Variants in EHBP1 observed in about 807,000 individuals in gnomAD.
EHBP1 encodes the protein EH domain-binding protein 1.
A neutral mutation model predicts 144.0 loss-of-function variants in EHBP1; 55 were observed. The observed-to-expected ratio is 0.38, with a 90% CI of 0.31 to 0.48. The LOEUF (loss-of-function observed/expected upper bound fraction) is 0.48, where lower values mean the gene tolerates loss of function less well. Among genes scored for constraint, EHBP1 ranks in the 20% least tolerant of loss-of-function variants. EHBP1 has a pLI of 0.98. For missense variants in EHBP1, 1,200 were observed against 1,364.2 expected, an observed-to-expected ratio of 0.88 and a Z score of 1.90; for synonymous variants, 469 against 472.7, an observed-to-expected ratio of 0.99 and a Z score of 0.10.
chr2:62,905,692 C>G (rs1054992779), intron 10 of EHBP1, among the ~76,000 whole-genome samples: 6 of 151,902 alleles, frequency 3.9e-5, no homozygotes, highest in African/African-American at 1.5e-4. Flanking sequence ...GGCGTGGTGA[C>G]ACACGCCTGT....
At chr2:62,769,496 A>G (rs553955654) in intron 4 of EHBP1, among the ~76,000 whole-genome samples, 21 of 152,302 alleles carry the variant, frequency 1.4e-4, no homozygotes, top group African/African-American at 2.9e-4. Context: ...ACACTGCTCA[A>G]AGAAATCAGA....
At chr2:62,960,289 T>C (rs1320044802) in intron 14 of EHBP1, among the ~76,000 whole-genome samples, 1 of 152,116 alleles carries the variant, frequency 6.6e-6, no homozygotes, top group African/African-American at 2.4e-5. Context: ...TTTTTCATTC[T>C]ACAGTCCAGT....
At chr2:62,861,161 G>A (rs1480743079) in intron 8 of EHBP1, among the ~76,000 whole-genome samples, 9 of 116,532 alleles carry the variant, frequency 7.7e-5, no homozygotes, top group African/African-American at 1.7e-4. Context: ...ACAGAGTCTC[G>A]CCCTGTCGCC....
chr2:62,964,191 G>GA (rs975439097), intron 14 of EHBP1, among the ~76,000 whole-genome samples: 37 of 150,704 alleles, frequency 2.5e-4, no homozygotes, highest in Admixed American at 1.5e-3. Flanking sequence ...TGTTGTGGAG[G>GA]AAAAAAAAAC....
At chr2:62,822,999 T>G (rs1322462718) in intron 5 of EHBP1, among the ~76,000 whole-genome samples, 1 of 152,114 alleles carries the variant, frequency 6.6e-6, no homozygotes, top group Non-Finnish European at 1.5e-5. Flanking sequence ...TTTCTGAAAA[T>G]GTGATTTTAG....
chr2:62,845,662 G>T (rs770912601), intron 7 of EHBP1, among the ~76,000 whole-genome samples: 1 of 150,310 alleles, frequency 6.7e-6, no homozygotes, highest in Non-Finnish European at 1.5e-5. Context: ...TAGGCATCTC[G>T]TGAACAAAAT....
At chr2:62,943,896 T>C in intron 12 of EHBP1, 46 bp downstream of exon 12, 1 of 1,396,346 alleles carries the variant, frequency 7.2e-7, no homozygotes. Flanking sequence ...AATTTTGGCT[T>C]CTCTGCAGGT....
At chr2:62,708,314 A>G (rs943953852) in intron 2 of EHBP1, among the ~76,000 whole-genome samples, 4 of 152,216 alleles carry the variant, frequency 2.6e-5, no homozygotes, top group African/African-American at 4.8e-5. Flanking sequence ...CTCATTACCT[A>G]CTTTATACCA....
At chr2:62,997,913 C>T (rs1370981013) in intron 19 of EHBP1, among the ~76,000 whole-genome samples, 2 of 152,072 alleles carry the variant, frequency 1.3e-5, no homozygotes, top group Admixed American at 6.6e-5. Flanking sequence ...AGAAAGTAGA[C>T]AGGCATCTGG....
intron 21 of EHBP1, among the ~76,000 whole-genome samples, chr2:63,040,952 AGTTTT>A (rs538872654): frequency 3.0e-4 from 46 of 152,352 alleles, no homozygotes; most frequent in African/African-American, 1.1e-3. Context: ...AACAGTAGTT[AGTTTT>A]GTTTTGCTTT....
At chr2:62,703,913 C>A (rs1419722783), upstream of EHBP1, among the ~76,000 whole-genome samples, 2 of 152,210 alleles carry the variant, frequency 1.3e-5, no homozygotes, top group African/African-American at 4.8e-5. Context: ...AGTTTGAGAA[C>A]TTCCAGAGAA....
intron 5 of EHBP1, among the ~76,000 whole-genome samples, chr2:62,793,349 A>G (rs915389599): frequency 2.0e-5 from 3 of 152,070 alleles, no homozygotes; most frequent in African/African-American, 2.4e-5. Flanking sequence ...TTTCCGCTGC[A>G]GTGACTCTCA....
chr2:62,782,404 T>C (rs1490866571), intron 5 of EHBP1, among the ~76,000 whole-genome samples: 2 of 152,216 alleles, frequency 1.3e-5, no homozygotes, highest in Non-Finnish European at 2.9e-5. Flanking sequence ...AGTTTCTATC[T>C]TTCTGTATTG....
rs542939830 is a variant in EHBP1, at chr2:62,799,115, A to G, written c.313-26972A>G. Among the ~76,000 whole-genome samples the G allele has an allele frequency of 8.5e-5, 13 of 152,108 alleles. 2 individuals are homozygous for G. In the South Asian group the frequency reaches 2.7e-3, roughly 32 times the overall value. On this transcript the variant is annotated intron_variant, in intron 5 of 22. Transcript: ENST00000431489. ...TTTAAGCTTTCATATTAGATACTCT[A>G]AAGGAAAGATGTATGGTTAGAGTTG...
chr2:63,001,294 G>A (rs1318636930), intron 19 of EHBP1, among the ~76,000 whole-genome samples: 3 of 152,184 alleles, frequency 2.0e-5, no homozygotes, highest in Non-Finnish European at 4.4e-5. Context: ...TAAGCACTGA[G>A]TAAAAGGATC....
At chr2:62,823,513 G>T (rs2046135572) in intron 5 of EHBP1, among the ~76,000 whole-genome samples, 1 of 152,020 alleles carries the variant, frequency 6.6e-6, no homozygotes, top group Non-Finnish European at 1.5e-5. Flanking sequence ...AAGAAGGACT[G>T]TAGGATCCAA....
chr2:62,802,535 T>C (rs1428216099), intron 5 of EHBP1, among the ~76,000 whole-genome samples: 1 of 152,068 alleles, frequency 6.6e-6, no homozygotes. Flanking sequence ...TAAATAAGAA[T>C]AAATGATGTT....
chr2:62,978,002 T>C (rs1282564598), intron 14 of EHBP1, among the ~76,000 whole-genome samples: 2 of 152,050 alleles, frequency 1.3e-5, no homozygotes, highest in Non-Finnish European at 2.9e-5. Context: ...TGAAGCTACA[T>C]GATACAAACA....
intron 1 of EHBP1, among the ~76,000 whole-genome samples, chr2:62,694,591 A>G (rs1434926490): frequency 2.0e-5 from 3 of 152,146 alleles, no homozygotes; most frequent in African/African-American, 7.2e-5. Flanking sequence ...AAAATGTCAC[A>G]AACATATCCT....
Sources: gnomAD v4.1 joint callset for allele counts (sites outside exome capture counted in the v4.1 genomes callset) on GRCh38, gnomAD v4.1.1 for gene constraint, MANE v1.5 for transcripts, NCBI Gene and HGNC (gene_info 2026-07-23, HGNC 2026-07-21) for gene names.